The following NHSL2 variants were observed in gnomAD, a reference collection of about 807,000 sequenced individuals.
NHSL2 encodes NHS like 2.
A neutral mutation model predicts 53.4 loss-of-function variants in NHSL2; 27 were observed. The observed-to-expected ratio is 0.51, with a 90% CI of 0.37 to 0.70. The LOEUF (loss-of-function observed/expected upper bound fraction) is 0.70. Ranked by LOEUF, NHSL2 falls within the 30% of genes least tolerant of loss-of-function variation. NHSL2 has a pLI of 0.00. For missense variants in NHSL2, 892 were observed against 980.1 expected, an observed-to-expected ratio of 0.91 and a Z score of 1.20; for synonymous variants, 408 against 404.1, an observed-to-expected ratio of 1.01 and a Z score of -0.12.
intron 1 of NHSL2, among the ~76,000 whole-genome samples, chrX:72,079,621 A>G (rs1022177023): frequency 8.9e-6 from 1 of 112,323 alleles, no homozygotes; most frequent in African/African-American, 3.2e-5. Context: ...TAGTTCACAG[A>G]CTCGTTCCAG....
chrX:72,136,003 T>G (rs764220069), intron 4 of NHSL2, among the ~76,000 whole-genome samples: 2 of 111,755 alleles, frequency 1.8e-5, no homozygotes, highest in East Asian at 5.6e-4. Context: ...ACCACTGCAC[T>G]CCAGCCTGGG....
At position 71,980,560 on chromosome X, in the gene NHSL2, GGTGTGTGGGGTGTGTGTGTGTGT is replaced by G. The variant is rs764212201; in HGVS notation, c.280+69201_280+69223del. ...AAACAGTGTGTGTGTGTGTGTGTGG[GGTGTGTGGGGTGTGTGTGTGTGT>G]GTGTGTGTGTGTGTGTGTGTGTGTA... On this transcript the variant is annotated intron_variant, in intron 1 of 7. Coordinates refer to ENST00000633930, the MANE Select transcript of NHSL2 (RefSeq NM_001013627.3). 3.7e-3 allele frequency among the ~76,000 whole-genome samples: 363 copies of G among 98,972 alleles called. 3 individuals carry two copies. The highest frequency in any genetic ancestry group is 0.015 in the Middle Eastern group (3 of 196). 85.9% of individuals were successfully genotyped at this position (98,972 alleles called of 115,157 possible). A position where few individuals can be genotyped will look rare whatever the true frequency, so the allele number is the denominator to read the frequency against.
intron 1 of NHSL2, among the ~76,000 whole-genome samples, chrX:72,011,338 G>A (rs1288738217): frequency 8.9e-6 from 1 of 112,399 alleles, no homozygotes; most frequent in Non-Finnish European, 1.9e-5. Context: ...CAATTGCTGA[G>A]TCATATGGTA....
chrX:72,124,748 C>G (rs2042208770), intron 1 of NHSL2, among the ~76,000 whole-genome samples: 2 of 111,793 alleles, frequency 1.8e-5, no homozygotes, highest in African/African-American at 6.5e-5. Flanking sequence ...TTGGTTTCCT[C>G]ACTTACAGAA....
intron 1 of NHSL2, among the ~76,000 whole-genome samples, chrX:72,088,028 C>G (rs1294562411): frequency 9.0e-6 from 1 of 111,236 alleles, no homozygotes; most frequent in Non-Finnish European, 1.9e-5. Flanking sequence ...GTCGGGAATT[C>G]GAGACCAGCC....
chrX:72,026,825 C>T (rs186245622), intron 1 of NHSL2, among the ~76,000 whole-genome samples: 1 of 112,099 alleles, frequency 8.9e-6, no homozygotes, highest in Non-Finnish European at 1.9e-5. Flanking sequence ...CGGATTCCAC[C>T]ATCACCCAAC....
At position 72,137,041 on chromosome X, in the gene NHSL2, C is replaced by T. The variant is rs757262820; in HGVS notation, c.761-53C>T. On this transcript the variant is annotated intron_variant, in intron 4 of 7. Transcript: ENST00000633930. ...TCTCTTCTCTCAGGCCAATTTCCAC[C>T]GTGCTTTAAACAGAAACCAGGATGC... is the stretch of plus-strand genomic sequence containing the variant. 2.1e-5 allele frequency: 23 copies of T among 1,100,155 alleles called. 1 individual carries two copies. In the African/African-American group the frequency reaches 2.6e-4, roughly 12 times the overall value. The allele number at this position is 1,100,155 out of a possible 1,213,427, so 90.7% of individuals were successfully genotyped here.
chrX:71,934,292 C>G (rs2041727573), intron 1 of NHSL2, among the ~76,000 whole-genome samples: 1 of 112,233 alleles, frequency 8.9e-6, no homozygotes, highest in South Asian at 3.7e-4. Context: ...AGCCAGCTCC[C>G]TTTTCCTTGT....
At chrX:72,058,470 G>A (rs1194522622) in intron 1 of NHSL2, among the ~76,000 whole-genome samples, 1 of 111,498 alleles carries the variant, frequency 9.0e-6, no homozygotes, top group African/African-American at 3.3e-5. Flanking sequence ...TCAGCGTCCC[G>A]AGTAGCTGGG....
intron 1 of NHSL2, among the ~76,000 whole-genome samples, chrX:72,087,811 G>A (rs1276789141): frequency 9.0e-6 from 1 of 111,722 alleles, no homozygotes; most frequent in Non-Finnish European, 1.9e-5. Flanking sequence ...GGCGGAGGTT[G>A]CAATGAGCCA....
At chrX:71,996,293 C>T (rs2042050048) in intron 1 of NHSL2, among the ~76,000 whole-genome samples, 3 of 112,638 alleles carry the variant, frequency 2.7e-5, no homozygotes, top group Non-Finnish European at 5.6e-5. Context: ...CTTCACCCCA[C>T]ATCTATAAAC....
chrX:71,925,686 T>G (rs772345998), intron 1 of NHSL2, among the ~76,000 whole-genome samples: 2 of 112,157 alleles, frequency 1.8e-5, no homozygotes, highest in Non-Finnish European at 3.8e-5. Context: ...TATTGTTATC[T>G]TTAAGAGCTT....
intron 1 of NHSL2, among the ~76,000 whole-genome samples, chrX:72,104,243 C>T (rs1000346557): frequency 4.5e-5 from 5 of 111,960 alleles, no homozygotes; most frequent in Non-Finnish European, 9.4e-5. Flanking sequence ...TCACTGGACC[C>T]GCCACTAGCT....
At chrX:71,954,817 T>C (rs1323422934) in intron 1 of NHSL2, among the ~76,000 whole-genome samples, 5 of 112,485 alleles carry the variant, frequency 4.4e-5, no homozygotes, top group Non-Finnish European at 9.4e-5. Context: ...CCTAGTGTCC[T>C]TTGTTTTGTT....
At chrX:72,097,278 A>T (rs2147454687) in intron 1 of NHSL2, among the ~76,000 whole-genome samples, 1 of 112,108 alleles carries the variant, frequency 8.9e-6, no homozygotes, top group African/African-American at 3.2e-5. Context: ...AACCACACTT[A>T]ACCGCAGTTA....
chrX:72,138,385 C>T, intron 5 of NHSL2, 56 bp from the exon 6 acceptor site: 1 of 987,208 alleles, frequency 1.0e-6, no homozygotes, highest in Non-Finnish European at 1.3e-6. Flanking sequence ...TGTCTCAAAA[C>T]AGCTGGTGGG....
chrX:72,093,500 C>T (rs1056671063), intron 1 of NHSL2, among the ~76,000 whole-genome samples: 1 of 112,323 alleles, frequency 8.9e-6, no homozygotes, highest in African/African-American at 3.2e-5. Context: ...ATTATTTCTT[C>T]AATCCAGGAG....
rs147802859 is a variant in NHSL2 at position 72,139,967 on chromosome X, G to A, written c.2419G>A (p.Val807Ile). 3.2e-4 allele frequency: 392 copies of A among 1,207,525 alleles called. No individual in the cohort carries two copies. Among genetic ancestry groups the A allele is most frequent in the African/African-American group, 7.0e-4 (40 of 56,949 alleles). ...GCACCACTCAGAGACAAATTTTGGCGTCAAGCTGGCCCAGAAAACTAATCC... is the reference window on the plus strand; with the variant it reads ...GCACCACTCAGAGACAAATTTTGGCATCAAGCTGGCCCAGAAAACTAATCC... ...SRHHSETNFG[V>I]KLAQKTNPNQ... The change falls in exon 6 of 8, where the codon GTC becomes ATC. Residue 807 changes from valine to isoleucine, a missense_variant. Physicochemically the swap from Val to Ile is conservative, Grantham distance 29 (BLOSUM62 3). Transcript: ENST00000633930.
At chrX:72,039,502 G>A (rs1327529476) in intron 1 of NHSL2, among the ~76,000 whole-genome samples, 1 of 111,702 alleles carries the variant, frequency 9.0e-6, no homozygotes, top group Non-Finnish European at 1.9e-5. Context: ...GTTCAGTCAA[G>A]TGTAGTGGCG....
Sources: allele counts gnomAD v4.1 joint callset (sites outside exome capture counted in the v4.1 genomes callset), GRCh38; gene constraint gnomAD v4.1.1; transcripts MANE v1.5; gene names NCBI Gene and HGNC (gene_info 2026-07-23, HGNC 2026-07-21).